Variants in CBR4 observed in about 807,000 individuals in gnomAD.
The protein encoded by CBR4 is carbonyl reductase 4.
In CBR4, 22 loss-of-function variants were observed where a neutral mutation model predicts 21.0. The ratio of observed to expected loss-of-function variants is 1.05; its 90% CI spans 0.75 to 1.50. The LOEUF is 1.50. Ranked by LOEUF, CBR4 falls within the 40% of genes most tolerant of loss-of-function variation. The pLI is 0.00. For missense variants in CBR4, 302 were observed against 286.3 expected, an observed-to-expected ratio of 1.05 and a Z score of -0.40; for synonymous variants, 100 against 104.4, an observed-to-expected ratio of 0.96 and a Z score of 0.26.
intron 2 of CBR4, among the ~76,000 whole-genome samples, chr4:168,979,285 C>T (rs889092880): frequency 2.6e-5 from 4 of 151,942 alleles, no homozygotes; most frequent in Non-Finnish European, 4.4e-5. Flanking sequence ...TTTTTTGCCA[C>T]TACTGCAGCC....
rs182571219 is a variant in CBR4, at chr4:168,913,999, T to G, written n.170-19234A>C. 18 of 1,608,152 alleles carry G rather than the reference T, an allele frequency of 1.1e-5. No homozygotes were observed. Among genetic ancestry groups the G allele is most frequent in the Non-Finnish European group, 1.4e-5 (17 of 1,174,740 alleles). ...AAGAGGTCGAAGTCCCCGGTCTCCC[T>G]CAGGCCATCCTCATGTCAGAAGGTA... On this transcript the variant is annotated intron_variant and non_coding_transcript_variant, in intron 2 of 3. Transcript: ENST00000509108.
intron 2 of CBR4, chr4:168,896,680 C>G (rs1755252163): frequency 3.9e-6 from 3 of 763,862 alleles, no homozygotes; most frequent in South Asian, 1.6e-5. Flanking sequence ...ACGTGTGTTT[C>G]TATCTTTTCT....
At chr4:168,905,158 T>TG (rs1757414230) in intron 2 of CBR4, among the ~76,000 whole-genome samples, 2 of 137,598 alleles carry the variant, frequency 1.5e-5, no homozygotes, top group African/African-American at 2.7e-5. Context: ...TTTTTTTTTT[T>TG]TTTTTTTTTT....
At chr4:168,899,870 C>T (rs149716826) in intron 2 of CBR4, among the ~76,000 whole-genome samples, 14 of 151,196 alleles carry the variant, frequency 9.3e-5, no homozygotes, top group East Asian at 3.9e-4. Context: ...TGACCAAGAT[C>T]GCGCCATTGC....
chr4:168,975,570 G>A (rs989136585), intron 2 of CBR4, among the ~76,000 whole-genome samples: 1 of 152,190 alleles, frequency 6.6e-6, no homozygotes, highest in Admixed American at 6.5e-5. Flanking sequence ...TGCAGTAGTA[G>A]AAGGGAGATA....
intron 2 of CBR4, among the ~76,000 whole-genome samples, chr4:168,941,337 A>T (rs1192398967): frequency 6.6e-6 from 1 of 152,192 alleles, no homozygotes; most frequent in Admixed American, 6.5e-5. Context: ...AAATTTTTTT[A>T]AAAAGATTAT....
intron 2 of CBR4, among the ~76,000 whole-genome samples, chr4:168,951,399 A>G (rs1363574567): frequency 6.6e-6 from 1 of 152,136 alleles, no homozygotes; most frequent in Non-Finnish European, 1.5e-5. Flanking sequence ...ATTTATATTC[A>G]ATGTTAGTAC....
chr4:169,006,169 C>T (rs1448553863), intron 3 of CBR4, among the ~76,000 whole-genome samples: 1 of 152,072 alleles, frequency 6.6e-6, no homozygotes, highest in Non-Finnish European at 1.5e-5. Flanking sequence ...CTGCTGTAGA[C>T]AATATTATTT....
At chr4:168,925,964 T>TAA (rs11357121) in intron 2 of CBR4, among the ~76,000 whole-genome samples, 149 of 150,132 alleles carry the variant, frequency 9.9e-4, no homozygotes, top group African/African-American at 3.3e-3. Flanking sequence ...AGTGTTTACT[T>TAA]AAAAAAAAAA....
chr4:168,953,127 C>A (rs1034250880), intron 2 of CBR4, among the ~76,000 whole-genome samples: 1 of 152,084 alleles, frequency 6.6e-6, no homozygotes, highest in South Asian at 2.1e-4. Flanking sequence ...GTTCCCAGGT[C>A]AATGGAGTTG....
chr4:168,997,254 C>T (rs550606996), intron 4 of CBR4, among the ~76,000 whole-genome samples: 2 of 152,072 alleles, frequency 1.3e-5, no homozygotes, highest in Admixed American at 6.6e-5. Flanking sequence ...CTTCTTAACT[C>T]GACGAAAAGA....
intron 2 of CBR4, among the ~76,000 whole-genome samples, chr4:168,945,786 AAAC>A (rs1763381293): frequency 1.3e-5 from 2 of 152,204 alleles, no homozygotes; most frequent in African/African-American, 4.8e-5. Flanking sequence ...CTATGTCCCC[AAAC>A]AACAACAAAA....
In CBR4 at chr4:168,979,741, C is replaced by A. The variant is rs565229643; in HGVS notation, n.169+22330G>T. On this transcript the variant is annotated intron_variant and non_coding_transcript_variant, in intron 2 of 3. Coordinates refer to the CBR4 transcript ENST00000509108. ...CTGGCTTTGGCCCCCAGAGCAGCTGCCCCACCCCCAGCTGAATATTCCCAT... is the reference window on the plus strand; with the variant it reads ...CTGGCTTTGGCCCCCAGAGCAGCTGACCCACCCCCAGCTGAATATTCCCAT... Among the ~76,000 whole-genome samples the A allele has an allele frequency of 2.0e-5, 3 of 152,296 alleles. No individual in the cohort carries two copies. In the South Asian group the frequency reaches 6.2e-4, roughly 32 times the overall value.
rs139993045 is a variant in CBR4, at chr4:168,973,772, G to A, written n.169+28299C>T. On this transcript the variant is annotated intron_variant and non_coding_transcript_variant, in intron 2 of 3. Coordinates refer to the CBR4 transcript ENST00000509108. ...TTTGTTTCTTCCTGGTTTAATCTAC[G>A]AGGGTTGTATATTTCCAGGAATGTA... is the stretch of plus-strand genomic sequence containing the variant. Among the ~76,000 whole-genome samples the A allele has an allele frequency of 4.9e-3, 746 of 152,254 alleles. 7 individuals carry two copies. Among genetic ancestry groups the A allele is most frequent in the Admixed American group, 5.6e-3 (85 of 15,302 alleles).
rs4324524 is a variant in CBR4 at position 168,914,173 on chromosome 4, T to G, written n.170-19408A>C. 0.62 allele frequency: 409,289 copies of G among 657,350 alleles called. 134,880 individuals are homozygous for G. Among genetic ancestry groups the G allele is most frequent in the East Asian group, 0.88 (31,712 of 36,194 alleles). The allele number at this position is 657,350 out of a possible 1,614,324, so 40.7% of individuals were successfully genotyped here. A position where few individuals can be genotyped will look rare whatever the true frequency, so the allele number is the denominator to read the frequency against. On this transcript the variant is annotated intron_variant and non_coding_transcript_variant, in intron 2 of 3. Coordinates refer to the CBR4 transcript ENST00000509108. ...CTGAAGCCTGTGGCTCCTTGATTATTATGCTCCCTTGTGATGCAGAAAGGG... is the reference window on the plus strand; with the variant it reads ...CTGAAGCCTGTGGCTCCTTGATTATGATGCTCCCTTGTGATGCAGAAAGGG...
At chr4:168,931,940 T>G (rs1762981238) in intron 2 of CBR4, among the ~76,000 whole-genome samples, 3 of 139,560 alleles carry the variant, frequency 2.1e-5, no homozygotes, top group African/African-American at 7.7e-5. Flanking sequence ...CCAATACAAA[T>G]ACGTCTTTCC....
chr4:168,904,191 G>A, intron 2 of CBR4: 1 of 394,822 alleles, frequency 2.5e-6, no homozygotes, highest in Non-Finnish European at 4.7e-6. Context: ...TGGTAGACTG[G>A]ACAAAGTCCT....
chr4:168,989,722 A>C lies in CBR4; in HGVS notation c.*428T>G. The C allele has an allele frequency of 1.0e-6, 1 of 977,752 alleles. No homozygotes were observed. The highest frequency in any genetic ancestry group is 1.7e-5 in the African/African-American group (1 of 57,220). 60.6% of individuals were successfully genotyped at this position (977,752 alleles called of 1,614,324 possible). Reference sequence around the variant, plus strand: ...CTTTTGAGACAAAATATATAAATCAATACTTGTTTATATGACTTGCAAAAT... The same window carrying C: ...CTTTTGAGACAAAATATATAAATCACTACTTGTTTATATGACTTGCAAAAT... On this transcript the variant is annotated 3_prime_UTR_variant, in exon 5 of 5. Coordinates refer to ENST00000306193, the MANE Select transcript of CBR4 (RefSeq NM_032783.5).
intron 1 of CBR4, among the ~76,000 whole-genome samples, chr4:169,009,319 A>C (rs971152524): frequency 5.3e-5 from 8 of 152,242 alleles, no homozygotes; most frequent in African/African-American, 1.9e-4. Context: ...ATAAAAAAGA[A>C]TTTGGCAGAA....
Sources: gnomAD v4.1 joint callset for allele counts (sites outside exome capture counted in the v4.1 genomes callset) on GRCh38, gnomAD v4.1.1 for gene constraint, MANE v1.5 for transcripts, NCBI Gene and HGNC (gene_info 2026-07-23, HGNC 2026-07-21) for gene names.